SAMD3: variants seen among roughly 807,000 people sequenced by gnomAD.
SAMD3 encodes the protein sterile alpha motif domain containing 3, also known as sterile alpha motif domain-containing protein 3.
Under a neutral mutation model 58.5 loss-of-function variants are expected in SAMD3, and 63 were observed. The observed-to-expected ratio is 1.08, with a 90% CI of 0.88 to 1.33. The LOEUF (loss-of-function observed/expected upper bound fraction) is 1.33, where lower values mean the gene tolerates loss of function less well. SAMD3 is among the 40% of genes most tolerant of loss of function. The pLI is 0.00. For missense variants in SAMD3, 604 were observed against 608.4 expected, an observed-to-expected ratio of 0.99 and a Z score of 0.08; for synonymous variants, 220 against 210.3, an observed-to-expected ratio of 1.05 and a Z score of -0.40.
intron 5 of SAMD3, among the ~76,000 whole-genome samples, chr6:130,196,025 C>T (rs1471629477): frequency 1.3e-5 from 2 of 152,214 alleles, no homozygotes; most frequent in Non-Finnish European, 2.9e-5. Context: ...ACCGAGCTCT[C>T]CCTGACTCAT....
chr6:130,351,520 CA>C (rs1246180047), intron 1 of SAMD3, among the ~76,000 whole-genome samples: 2 of 152,162 alleles, frequency 1.3e-5, no homozygotes, highest in African/African-American at 4.8e-5. Flanking sequence ...ATCAAAACCA[CA>C]ATGAGATACC....
At chr6:130,194,780 G>C (rs147550804) in intron 5 of SAMD3, among the ~76,000 whole-genome samples, 1,642 of 152,306 alleles carry the variant, frequency 0.011, 28 homozygotes, top group African/African-American at 0.037. Flanking sequence ...CTCTGACTGA[G>C]TCCTTCCCAG....
intron 1 of SAMD3, among the ~76,000 whole-genome samples, chr6:130,335,560 G>A (rs1230083111): frequency 2.0e-5 from 3 of 152,202 alleles, no homozygotes; most frequent in Non-Finnish European, 4.4e-5. Context: ...CACATACTCT[G>A]TGTCAGTAGA....
chr6:130,275,626 A>G (rs1428362349), intron 2 of SAMD3, among the ~76,000 whole-genome samples: 1 of 152,130 alleles, frequency 6.6e-6, no homozygotes, highest in Non-Finnish European at 1.5e-5. Flanking sequence ...CCCTCAACTA[A>G]TGATATGGGA....
intron 2 of SAMD3, among the ~76,000 whole-genome samples, chr6:130,229,619 G>C (rs1796484101): frequency 6.6e-6 from 1 of 152,152 alleles, no homozygotes; most frequent in Non-Finnish European, 1.5e-5. Context: ...ACATGAATTA[G>C]GTGCACCATA....
chr6:130,314,679 G>A (rs148935755), intron 1 of SAMD3, among the ~76,000 whole-genome samples: 1 of 152,308 alleles, frequency 6.6e-6, no homozygotes, highest in African/African-American at 2.4e-5. Context: ...TTAACAAAAT[G>A]ATAGGTGGAA....
chr6:130,147,587 G>T (rs971144920), intron 9 of SAMD3, among the ~76,000 whole-genome samples: 3 of 151,274 alleles, frequency 2.0e-5, no homozygotes, highest in African/African-American at 7.3e-5. Flanking sequence ...CCCAATTTCT[G>T]ATCCAGTTGA....
chr6:130,341,540 A>G (rs1285955625), intron 1 of SAMD3, among the ~76,000 whole-genome samples: 1 of 152,252 alleles, frequency 6.6e-6, no homozygotes, highest in Non-Finnish European at 1.5e-5. Context: ...TTTAAATTAT[A>G]TAAAGGTGAA....
intron 9 of SAMD3, among the ~76,000 whole-genome samples, chr6:130,149,311 G>T (rs192694562): frequency 8.5e-5 from 13 of 152,288 alleles, no homozygotes; most frequent in Non-Finnish European, 1.8e-4. Flanking sequence ...GTGGAAAGCC[G>T]TTTGGAGATT....
intron 2 of SAMD3, among the ~76,000 whole-genome samples, chr6:130,233,141 C>A (rs1796592694): frequency 6.6e-6 from 1 of 152,164 alleles, no homozygotes; most frequent in South Asian, 2.1e-4. Flanking sequence ...TCCAGGGCTA[C>A]CCTCACTTCT....
At chr6:130,226,581 C>A (rs952216940), upstream of SAMD3, among the ~76,000 whole-genome samples, 2 of 152,328 alleles carry the variant, frequency 1.3e-5, no homozygotes, top group Non-Finnish European at 2.9e-5. Flanking sequence ...AATCCCAGCA[C>A]TTTGGGAGGC....
Position 130,184,522 on chromosome 6 carries a change from TCTG to T in SAMD3, c.482_484del (p.Ala161del), listed in dbSNP as rs1188708384. 1 of 1,614,166 alleles carries T rather than the reference TCTG, an allele frequency of 6.2e-7. No homozygotes were observed. Among genetic ancestry groups the T allele is most frequent in the Admixed American group, 1.7e-5 (1 of 60,026 alleles). On this transcript the variant is annotated inframe_deletion, in exon 6 of 12. Transcript: ENST00000439090. ...CATGCTGTGATCCGGGCACTTCTGC[TCTG>T]CTAACATGCATTTGACATCATAGGG...
In SAMD3 at chr6:130,250,312, G is replaced by A. The variant is rs151317747; in HGVS notation, c.-187-27499C>T. Among the ~76,000 whole-genome samples, 537 of 152,256 alleles carry A rather than the reference G, an allele frequency of 3.5e-3. 6 individuals carry two copies. Among genetic ancestry groups the A allele is most frequent in the African/African-American group, 0.012 (506 of 41,534 alleles). On this transcript the variant is annotated intron_variant, in intron 2 of 13. Coordinates refer to the SAMD3 transcript ENST00000368134. ...TACGTTATCAAAACAGGGTCTACCA[G>A]GCGCCCTTATTCTTTTGCCCTAGTG... is the stretch of plus-strand genomic sequence containing the variant.
At chr6:130,211,881 C>T (rs929840308) in intron 4 of SAMD3, among the ~76,000 whole-genome samples, 1 of 150,042 alleles carries the variant, frequency 6.7e-6, no homozygotes, top group Non-Finnish European at 1.5e-5. Flanking sequence ...GGAATCTGTA[C>T]TCAAATGGAA....
In SAMD3 at chr6:130,337,744, G is replaced by A. The variant is rs571231037; in HGVS notation, c.-303-24651C>T. On this transcript the variant is annotated intron_variant, in intron 1 of 13. Transcript: ENST00000368134. ...AACTGGAGCAAAGGTTACTCTTGCT[G>A]TGCTTTAACAAAGAGACTGGTGGCA... Among the ~76,000 whole-genome samples the A allele has an allele frequency of 3.3e-5, 5 of 152,320 alleles. No homozygotes were observed. The East Asian group carries it at 9.6e-4, about 29-fold the overall frequency.
intron 2 of SAMD3, among the ~76,000 whole-genome samples, chr6:130,301,292 C>T (rs1249898794): frequency 6.6e-6 from 1 of 152,086 alleles, no homozygotes; most frequent in Non-Finnish European, 1.5e-5. Context: ...CCAGGATGTT[C>T]AAGCTGAAAA....
intron 2 of SAMD3, among the ~76,000 whole-genome samples, chr6:130,290,186 GA>G (rs1775317603): frequency 1.3e-5 from 2 of 152,216 alleles, no homozygotes; most frequent in Admixed American, 6.5e-5. Context: ...ATTCAAGAGA[GA>G]ATTTATTTTA....
At chr6:130,229,801 CATG>C (rs1279451699) in intron 2 of SAMD3, among the ~76,000 whole-genome samples, 1 of 152,134 alleles carries the variant, frequency 6.6e-6, no homozygotes, top group Non-Finnish European at 1.5e-5. Context: ...GCCATCAATT[CATG>C]ATGAGTAAAT....
intron 9 of SAMD3, among the ~76,000 whole-genome samples, chr6:130,147,183 A>G (rs538678344): frequency 1.3e-5 from 2 of 152,286 alleles, no homozygotes; most frequent in South Asian, 2.1e-4. Context: ...ACTCCAGTGA[A>G]TTAATTTAGT....
Sources: allele counts gnomAD v4.1 joint callset (sites outside exome capture counted in the v4.1 genomes callset), GRCh38; gene constraint gnomAD v4.1.1; transcripts MANE v1.5; gene names NCBI Gene and HGNC (gene_info 2026-07-23, HGNC 2026-07-21).